The following CTNNA3 variants were observed in gnomAD, a reference collection of about 807,000 sequenced individuals.
CTNNA3 encodes catenin alpha-3.
Under a neutral mutation model 95.7 loss-of-function variants are expected in CTNNA3, and 76 were observed. That is an observed-to-expected ratio of 0.79 (90% CI 0.66 to 0.96). The LOEUF is 0.96. Ranked by LOEUF, CTNNA3 falls within the 40% of genes least tolerant of loss-of-function variation. CTNNA3 has a pLI of 0.00. For missense variants in CTNNA3, 1,191 were observed against 1,089.8 expected, an observed-to-expected ratio of 1.09 and a Z score of -1.31; for synonymous variants, 431 against 374.4, an observed-to-expected ratio of 1.15 and a Z score of -1.74.
chr10:67,554,333 A>G (rs1356591759), intron 3 of CTNNA3, among the ~76,000 whole-genome samples: 2 of 152,234 alleles, frequency 1.3e-5, no homozygotes, highest in African/African-American at 2.4e-5. Context: ...AGGAATTGCC[A>G]CACTGTCTTC....
intron 1 of CTNNA3, among the ~76,000 whole-genome samples, chr10:67,694,928 T>A (rs2133595903): frequency 6.6e-6 from 1 of 152,334 alleles, no homozygotes; most frequent in Admixed American, 6.5e-5. Context: ...CAAATGGGAA[T>A]AACTTTGTCT....
intron 11 of CTNNA3, among the ~76,000 whole-genome samples, chr10:66,399,109 T>C (rs2093000970): frequency 6.6e-6 from 1 of 152,000 alleles, no homozygotes; most frequent in African/African-American, 2.4e-5. Flanking sequence ...TTGCTTAAGG[T>C]TAGATGTAAA....
intron 13 of CTNNA3, among the ~76,000 whole-genome samples, chr10:66,131,134 G>A (rs1210911499): frequency 6.6e-6 from 1 of 150,928 alleles, no homozygotes; most frequent in East Asian, 2.0e-4. Flanking sequence ...AATTCTACCA[G>A]ACACACAAAG....
intron 1 of CTNNA3, among the ~76,000 whole-genome samples, chr10:67,690,730 G>A (rs1307389581): frequency 6.6e-6 from 1 of 152,208 alleles, no homozygotes; most frequent in Non-Finnish European, 1.5e-5. Context: ...CTCTCAAGAG[G>A]AGATAAATGT....
At chr10:66,362,080 C>G (rs2092680039) in intron 12 of CTNNA3, among the ~76,000 whole-genome samples, 2 of 147,248 alleles carry the variant, frequency 1.4e-5, no homozygotes, top group African/African-American at 5.0e-5. Context: ...GCAAATATCA[C>G]AGAGGTTCAT....
At chr10:67,668,386 A>G (rs1840369202) in intron 1 of CTNNA3, among the ~76,000 whole-genome samples, 1 of 152,224 alleles carries the variant, frequency 6.6e-6, no homozygotes, top group South Asian at 2.1e-4. Flanking sequence ...CCCATAGTGA[A>G]TTCCTGAAAC....
intron 9 of CTNNA3, among the ~76,000 whole-genome samples, chr10:66,748,078 C>T (rs1394678338): frequency 1.3e-5 from 2 of 152,070 alleles, no homozygotes; most frequent in Non-Finnish European, 2.9e-5. Context: ...CAGAGCTCAT[C>T]GACTCTGGCA....
rs372795997 is a variant in CTNNA3, at chr10:66,303,580, CTT to C, written c.1733-22961_1733-22960del. On this transcript the variant is annotated intron_variant, in intron 12 of 17. Transcript: ENST00000433211. ...ATATGAAGTGAATAAAAATAAAAGT[CTT>C]ATCTCAATATACAAAAAAATACAAA... Among the ~76,000 whole-genome samples the C allele has an allele frequency of 3.3e-3, 498 of 152,080 alleles. 1 individual carries two copies. Among genetic ancestry groups the C allele is most frequent in the Middle Eastern group, 0.024 (7 of 294 alleles).
intron 12 of CTNNA3, among the ~76,000 whole-genome samples, chr10:66,344,264 T>C (rs1399263223): frequency 6.7e-6 from 1 of 149,662 alleles, no homozygotes; most frequent in African/African-American, 2.4e-5. Context: ...GTTTTTGTTG[T>C]TGTTGTTGTT....
At chr10:66,526,231 G>A (rs1841254370) in intron 10 of CTNNA3, among the ~76,000 whole-genome samples, 2 of 152,144 alleles carry the variant, frequency 1.3e-5, no homozygotes, top group African/African-American at 4.8e-5. Flanking sequence ...TGTCACCTAT[G>A]CTGGAGTGTA....
intron 12 of CTNNA3, among the ~76,000 whole-genome samples, chr10:66,344,091 G>A (rs75048172): frequency 0.012 from 1,756 of 151,214 alleles, 24 homozygotes; most frequent in African/African-American, 0.035. Context: ...ACCAGACGTG[G>A]TGGCGGTTGC....
intron 16 of CTNNA3, among the ~76,000 whole-genome samples, chr10:65,985,121 A>G (rs2133314495): frequency 6.6e-6 from 1 of 151,302 alleles, no homozygotes; most frequent in South Asian, 2.1e-4. Context: ...TATATCCACA[A>G]ATACAATATT....
At chr10:66,968,899 C>T (rs1452120428) in intron 7 of CTNNA3, among the ~76,000 whole-genome samples, 2 of 151,938 alleles carry the variant, frequency 1.3e-5, no homozygotes, top group African/African-American at 4.8e-5. Context: ...TGCCTGTAAT[C>T]CTAGCTGCTG....
intron 11 of CTNNA3, among the ~76,000 whole-genome samples, chr10:66,420,776 G>A (rs1470760327): frequency 6.7e-6 from 1 of 149,142 alleles, no homozygotes; most frequent in Admixed American, 6.7e-5. Flanking sequence ...TCCAGCCTGG[G>A]TGACACAGCA....
At chr10:67,448,589 A>T (rs1299034730) in intron 5 of CTNNA3, among the ~76,000 whole-genome samples, 1 of 151,780 alleles carries the variant, frequency 6.6e-6, no homozygotes, top group Non-Finnish European at 1.5e-5. Context: ...CATTTAATAA[A>T]CGCTTTTGGG....
At chr10:66,481,524 T>G (rs1424555107) in intron 11 of CTNNA3, among the ~76,000 whole-genome samples, 1 of 129,622 alleles carries the variant, frequency 7.7e-6, no homozygotes, top group South Asian at 2.6e-4. Context: ...CAGGCTGGAC[T>G]GCAGTGGCAC....
At chr10:65,920,987 C>T (rs956347138) in intron 17 of CTNNA3, among the ~76,000 whole-genome samples, 5 of 152,050 alleles carry the variant, frequency 3.3e-5, no homozygotes, top group African/African-American at 7.2e-5. Context: ...AACTCTTATG[C>T]TAATTATGTA....
At chr10:66,986,856 C>A (rs930337712) in intron 7 of CTNNA3, among the ~76,000 whole-genome samples, 7 of 152,108 alleles carry the variant, frequency 4.6e-5, no homozygotes, top group African/African-American at 1.4e-4. Flanking sequence ...TGAACACCTA[C>A]TATGGGATTA....
intron 9 of CTNNA3, among the ~76,000 whole-genome samples, chr10:66,632,263 T>C (rs1441362121): frequency 1.3e-5 from 2 of 151,892 alleles, no homozygotes; most frequent in African/African-American, 4.8e-5. Context: ...TTTATAAAAA[T>C]GGGGAATGGG....
Sources: allele counts gnomAD v4.1 joint callset (sites outside exome capture counted in the v4.1 genomes callset), GRCh38; gene constraint gnomAD v4.1.1; transcripts MANE v1.5; gene names NCBI Gene and HGNC (gene_info 2026-07-23, HGNC 2026-07-21).